KATNAL2: variants seen among roughly 807,000 people sequenced by gnomAD.
The protein encoded by KATNAL2 is katanin p60 ATPase-containing subunit A-like 2.
KATNAL2 carries 52 observed loss-of-function variants against 76.3 expected under a neutral mutation model. The ratio of observed to expected loss-of-function variants is 0.68; its 90% CI spans 0.55 to 0.86. KATNAL2 has a LOEUF of 0.86. Among genes scored for constraint, KATNAL2 ranks in the 40% least tolerant of loss-of-function variants. KATNAL2 has a pLI of 0.00. For missense variants in KATNAL2, 660 were observed against 668.9 expected, an observed-to-expected ratio of 0.99 and a Z score of 0.15; for synonymous variants, 243 against 244.2, an observed-to-expected ratio of 1.00 and a Z score of 0.05.
intron 1 of KATNAL2, among the ~76,000 whole-genome samples, chr18:46,931,933 A>C (rs1043954046): frequency 1.6e-4 from 23 of 141,528 alleles, no homozygotes; most frequent in Admixed American, 1.6e-3. Context: ...TTTTTTTTTG[A>C]GACGGGGTCT....
chr18:47,082,896 C>T (rs568570555), intron 15 of KATNAL2, among the ~76,000 whole-genome samples: 1 of 152,178 alleles, frequency 6.6e-6, no homozygotes, highest in Admixed American at 6.5e-5. Flanking sequence ...TTTGTATTCC[C>T]ACTAGTGTCC....
At chr18:47,059,138 CAT>C (rs2061555940) in intron 7 of KATNAL2, among the ~76,000 whole-genome samples, 2 of 152,220 alleles carry the variant, frequency 1.3e-5, no homozygotes, top group African/African-American at 2.4e-5. Context: ...CAGCCTGACT[CAT>C]GTGGAAGAGA....
chr18:47,057,671 G>C (rs1599696399), intron 6 of KATNAL2, among the ~76,000 whole-genome samples: 1 of 152,244 alleles, frequency 6.6e-6, no homozygotes, highest in East Asian at 1.9e-4. Flanking sequence ...GATTGGTCTG[G>C]GACAACATTG....
intron 11 of KATNAL2, among the ~76,000 whole-genome samples, chr18:47,067,337 T>A (rs2061845097): frequency 6.6e-6 from 1 of 152,234 alleles, no homozygotes. Context: ...GACAGGTGTC[T>A]GAGCTAAGTG....
In KATNAL2 at chr18:47,054,397, A is replaced by G. The variant is rs1329254867; in HGVS notation, c.291A>G (p.Ala97=). The G allele has an allele frequency of 5.6e-6, 9 of 1,612,778 alleles. No homozygotes were observed. The East Asian group carries it at 1.3e-4, about 24-fold the overall frequency. Residue 97 remains alanine (A), a splice_region_variant and synonymous_variant, in exon 6 of 18, where the codon GCA becomes GCG. Coordinates refer to ENST00000683218, the MANE Select transcript of KATNAL2 (RefSeq NM_001387690.1). ...CTCCCAATGTCTGTTTTGTCACAGC[A>G]GAAAATAATTTACCGCAAAGAAGTA... is the stretch of plus-strand genomic sequence containing the variant. The part of the protein sequence containing the change: ...PKIVKKSSDT[A]ENNLPQRSRG...
intron 15 of KATNAL2, among the ~76,000 whole-genome samples, chr18:47,090,643 A>G (rs913774756): frequency 1.3e-5 from 2 of 152,154 alleles, no homozygotes; most frequent in African/African-American, 4.8e-5. Context: ...CTGATGACAT[A>G]TAGTTTTAAA....
At chr18:46,960,846 G>A (rs189870289) in intron 3 of KATNAL2, among the ~76,000 whole-genome samples, 210 of 152,318 alleles carry the variant, frequency 1.4e-3, no homozygotes, top group Middle Eastern at 0.01. Flanking sequence ...ACTGTAGAGG[G>A]ACGAGACGCG....
At chr18:46,940,145 G>C (rs1032546351) in intron 1 of KATNAL2, among the ~76,000 whole-genome samples, 1 of 152,206 alleles carries the variant, frequency 6.6e-6, no homozygotes, top group African/African-American at 2.4e-5. Context: ...TAGTGATGGG[G>C]CAAGATTCCA....
chr18:47,072,715 A>C (rs1043728280), intron 13 of KATNAL2, among the ~76,000 whole-genome samples: 2 of 152,254 alleles, frequency 1.3e-5, no homozygotes, highest in Admixed American at 6.5e-5. Flanking sequence ...CTGGGATTAC[A>C]GGCATAAGCC....
Position 47,099,173 on chromosome 18 carries a change from TTAAAG to T in KATNAL2, c.1212-67_1212-63del, listed in dbSNP as rs1457448951. 73 of 1,488,316 alleles carry T rather than the reference TTAAAG, an allele frequency of 4.9e-5. No homozygotes were observed. The Middle Eastern group carries it at 7.2e-4, about 15-fold the overall frequency. The allele number at this position is 1,488,316 out of a possible 1,614,324, so 92.2% of individuals were successfully genotyped here. A position where few individuals can be genotyped will look rare whatever the true frequency, so the allele number is the denominator to read the frequency against. ...TGCTTCCTGCAATGCTAAATTGTTCTTAAAGTACAGTTGTTGTTCAGGAAGTGTGT... is the reference window on the plus strand; with the variant it reads ...TGCTTCCTGCAATGCTAAATTGTTCTTACAGTTGTTGTTCAGGAAGTGTGT... On this transcript the variant is annotated intron_variant, in intron 15 of 17. Coordinates refer to ENST00000683218, the MANE Select transcript of KATNAL2 (RefSeq NM_001387690.1).
intron 4 of KATNAL2, among the ~76,000 whole-genome samples, chr18:47,047,803 G>A (rs780894993): frequency 6.6e-6 from 1 of 151,938 alleles, no homozygotes; most frequent in Non-Finnish European, 1.5e-5. Context: ...CTAACTCCTG[G>A]GCTCAAGGGA....
chr18:47,054,775 A>G (rs2061426186), intron 6 of KATNAL2, among the ~76,000 whole-genome samples: 1 of 152,212 alleles, frequency 6.6e-6, no homozygotes, highest in Non-Finnish European at 1.5e-5. Flanking sequence ...TTGGACACAT[A>G]GTGAGTTCCT....
At chr18:47,033,035 G>A (rs767897500) in intron 3 of KATNAL2, 1 of 1,614,118 alleles carries the variant, frequency 6.2e-7, no homozygotes, top group South Asian at 1.1e-5. Flanking sequence ...TTGTAGTCTC[G>A]AATTGCCTTG....
intron 3 of KATNAL2, among the ~76,000 whole-genome samples, chr18:46,955,726 AT>A (rs768121295): frequency 4.6e-5 from 7 of 151,806 alleles, no homozygotes; most frequent in Admixed American, 2.6e-4. Context: ...TAATTTTTAA[AT>A]TTTTTGTAGA....
chr18:47,043,285 A>C (rs2061037221), intron 3 of KATNAL2, among the ~76,000 whole-genome samples: 1 of 150,216 alleles, frequency 6.7e-6, no homozygotes, highest in African/African-American at 2.4e-5. Flanking sequence ...ATTACATTAC[A>C]TGCAAAGGAT....
In KATNAL2 at chr18:47,100,285, A is replaced by G. The variant is rs755610496; in HGVS notation, c.1406A>G (p.Lys469Arg). 1.2e-6 allele frequency: 2 copies of G among 1,614,134 alleles called. No homozygotes were observed. Among genetic ancestry groups the G allele is most frequent in the Admixed American group, 3.3e-5 (2 of 60,020 alleles). Residue 469 changes from lysine to arginine, a missense_variant, in exon 17 of 18, where the codon AAG (lysine) becomes AGG (arginine). Transcript: ENST00000683218. ...ETEGYSGSDI[K>R]LVCREAAMRP... ...GAGGGCTACTCAGGCTCAGATATTA[A>G]GCTCGTCTGCAGGGAAGCAGCCATG... is the stretch of plus-strand genomic sequence containing the variant.
chr18:46,931,103 AAAT>A (rs36168863), intron 1 of KATNAL2, among the ~76,000 whole-genome samples: 3,041 of 105,512 alleles, frequency 0.029, 47 homozygotes, highest in African/African-American at 0.046. Flanking sequence ...CCGTCTCAGG[AAAT>A]AATAATAATA....
At chr18:47,035,152 G>A (rs2060707781) in intron 3 of KATNAL2, 2 of 1,611,890 alleles carry the variant, frequency 1.2e-6, no homozygotes, top group Non-Finnish European at 1.7e-6. Flanking sequence ...TGCCGTCATG[G>A]GCAAGGCGGA....
chr18:47,062,340 C>T (rs527861347), intron 8 of KATNAL2, among the ~76,000 whole-genome samples: 6 of 150,462 alleles, frequency 4.0e-5, no homozygotes, highest in South Asian at 4.2e-4. Context: ...GCTATGATTA[C>T]GCCACTGCAT....
Sources: gnomAD v4.1 joint callset for allele counts (sites outside exome capture counted in the v4.1 genomes callset) on GRCh38, gnomAD v4.1.1 for gene constraint, MANE v1.5 for transcripts, NCBI Gene and HGNC (gene_info 2026-07-23, HGNC 2026-07-21) for gene names.